The following PPP1R14C variants were observed in gnomAD, a reference collection of about 807,000 sequenced individuals.
PPP1R14C encodes protein phosphatase 1 regulatory subunit 14C.
PPP1R14C carries 16 observed loss-of-function variants against 20.4 expected under a neutral mutation model. That is an observed-to-expected ratio of 0.78 (90% CI 0.53 to 1.19). The LOEUF (loss-of-function observed/expected upper bound fraction) is 1.19, where lower values mean the gene tolerates loss of function less well. Among genes scored for constraint, PPP1R14C ranks in the 50% most tolerant of loss-of-function variants. The pLI, the probability that PPP1R14C is intolerant of heterozygous loss-of-function variation, is 0.00. For missense variants in PPP1R14C, 211 were observed against 220.1 expected (o/e 0.96, Z 0.26); for synonymous variants, 91 against 91.0 (o/e 1.00, Z 0.00).
intron 3 of PPP1R14C, among the ~76,000 whole-genome samples, chr6:150,237,067 C>A (rs1778370122): frequency 1.3e-5 from 2 of 151,964 alleles, no homozygotes; most frequent in South Asian, 4.2e-4. Context: ...GCCTGAGCAC[C>A]CATGGTCTCA....
chr6:150,231,719 CTG>C (rs1778298561), intron 3 of PPP1R14C, among the ~76,000 whole-genome samples: 1 of 152,200 alleles, frequency 6.6e-6, no homozygotes, highest in Non-Finnish European at 1.5e-5. Flanking sequence ...TGCATTGTAA[CTG>C]TGTGAAGAAT....
intron 1 of PPP1R14C, among the ~76,000 whole-genome samples, chr6:150,167,801 A>G (rs1777440091): frequency 1.3e-5 from 2 of 152,172 alleles, no homozygotes; most frequent in South Asian, 4.1e-4. Flanking sequence ...CCCCAAAGGC[A>G]GGCACACGAG....
At chr6:150,189,928 C>T (rs1351076659) in intron 1 of PPP1R14C, among the ~76,000 whole-genome samples, 3 of 152,116 alleles carry the variant, frequency 2.0e-5, no homozygotes, top group Non-Finnish European at 4.4e-5. Context: ...CCCAACCCCC[C>T]AACACAGAAC....
rs960854251 is a variant in PPP1R14C at position 150,200,270 on chromosome 6, C to T, written c.307-14474C>T. Among the ~76,000 whole-genome samples the T allele has an allele frequency of 6.6e-5, 10 of 152,004 alleles. No homozygotes were observed. In the South Asian group the frequency reaches 8.3e-4, roughly 13 times the overall value. ...TACCTGTAGGATGTACAATGAAAAA[C>T]CAGTTAACTTTCTGAAGTACAGGAT... is the stretch of plus-strand genomic sequence containing the variant. On this transcript the variant is annotated intron_variant, in intron 1 of 3. Coordinates refer to ENST00000361131, the MANE Select transcript of PPP1R14C (RefSeq NM_030949.3).
intron 1 of PPP1R14C, among the ~76,000 whole-genome samples, chr6:150,197,252 C>T (rs943110219): frequency 6.6e-6 from 1 of 151,972 alleles, no homozygotes; most frequent in African/African-American, 2.4e-5. Flanking sequence ...GTGAGAGGCT[C>T]TGCTCCCGCC....
At chr6:150,189,732 A>T (rs949695689) in intron 1 of PPP1R14C, among the ~76,000 whole-genome samples, 5 of 152,140 alleles carry the variant, frequency 3.3e-5, no homozygotes, top group African/African-American at 1.2e-4. Flanking sequence ...TCCCATTTGA[A>T]ACCTTCGAAA....
intron 3 of PPP1R14C, among the ~76,000 whole-genome samples, chr6:150,239,565 G>A (rs1298493930): frequency 6.6e-6 from 1 of 152,122 alleles, no homozygotes; most frequent in Non-Finnish European, 1.5e-5. Context: ...TGTGTGAGAT[G>A]CCACTAAAGC....
chr6:150,246,197 T>C (rs1778489282), intron 3 of PPP1R14C, among the ~76,000 whole-genome samples: 1 of 152,174 alleles, frequency 6.6e-6, no homozygotes, highest in Non-Finnish European at 1.5e-5. Context: ...TTATTCCTTA[T>C]GTAATTTTAG....
chr6:150,226,837 G>A (rs1429388179), intron 3 of PPP1R14C, among the ~76,000 whole-genome samples: 1 of 152,100 alleles, frequency 6.6e-6, no homozygotes, highest in Non-Finnish European at 1.5e-5. Context: ...GTGGCAAAAG[G>A]CATTTCTGGG....
At chr6:150,181,941 G>A (rs548216784) in intron 1 of PPP1R14C, among the ~76,000 whole-genome samples, 15 of 152,180 alleles carry the variant, frequency 9.9e-5, no homozygotes, top group African/African-American at 2.2e-4. Flanking sequence ...CTTCTTCTTC[G>A]TCCGTAGCAG....
chr6:150,146,097 C>T (rs1192227705), intron 1 of PPP1R14C, among the ~76,000 whole-genome samples: 1 of 152,152 alleles, frequency 6.6e-6, no homozygotes. Context: ...TATTACCTAC[C>T]TACTAGGTGA....
chr6:150,206,174 C>T (rs762738781), intron 1 of PPP1R14C, among the ~76,000 whole-genome samples: 10 of 152,156 alleles, frequency 6.6e-5, no homozygotes, highest in Admixed American at 3.3e-4. Flanking sequence ...ATACCTTTCT[C>T]GCTGAGCCTT....
intron 3 of PPP1R14C, among the ~76,000 whole-genome samples, chr6:150,225,002 C>T (rs1187150694): frequency 6.6e-6 from 1 of 151,752 alleles, no homozygotes; most frequent in African/African-American, 2.4e-5. Context: ...CGCCCCCATG[C>T]CCCTTTAGGT....
intron 1 of PPP1R14C, among the ~76,000 whole-genome samples, chr6:150,203,631 C>T (rs1244807111): frequency 6.6e-6 from 1 of 152,234 alleles, no homozygotes; most frequent in Non-Finnish European, 1.5e-5. Context: ...AAATCTAACA[C>T]TGCAGCAACC....
chr6:150,161,863 A>G (rs1777372572), intron 1 of PPP1R14C, among the ~76,000 whole-genome samples: 1 of 152,164 alleles, frequency 6.6e-6, no homozygotes. Context: ...GGATCCCCCA[A>G]TCTCCTAAAT....
At chr6:150,244,492 C>T (rs79310384) in intron 3 of PPP1R14C, among the ~76,000 whole-genome samples, 16 of 152,292 alleles carry the variant, frequency 1.1e-4, no homozygotes, top group African/African-American at 3.6e-4. Context: ...TCAGCTCCAA[C>T]GTTATCCCAC....
At chr6:150,210,999 A>G (rs966670238) in intron 1 of PPP1R14C, among the ~76,000 whole-genome samples, 10 of 152,034 alleles carry the variant, frequency 6.6e-5, no homozygotes, top group African/African-American at 2.4e-4. Context: ...TCCTGCTACC[A>G]TTTTGCCTCT....
intron 3 of PPP1R14C, among the ~76,000 whole-genome samples, chr6:150,236,613 C>CTGTGTGTG (rs142109127): frequency 0.055 from 7,924 of 144,496 alleles, 675 homozygotes; most frequent in African/African-American, 0.18. Flanking sequence ...GTTGGTGCCA[C>CTGTGTGTG]TGTGTGTGTG....
chr6:150,203,848 A>G (rs942885095), intron 1 of PPP1R14C, among the ~76,000 whole-genome samples: 3 of 152,246 alleles, frequency 2.0e-5, no homozygotes, highest in African/African-American at 7.2e-5. Context: ...CTCAGGCTCA[A>G]TCCCTAAATT....
Sources: gnomAD v4.1 joint callset for allele counts (sites outside exome capture counted in the v4.1 genomes callset) on GRCh38, gnomAD v4.1.1 for gene constraint, MANE v1.5 for transcripts, NCBI Gene and HGNC (gene_info 2026-07-23, HGNC 2026-07-21) for gene names.